The following PKIB variants were observed in gnomAD, a reference collection of about 807,000 sequenced individuals.
The protein encoded by PKIB is cAMP-dependent protein kinase inhibitor beta, also known as PKI-beta.
PKIB carries 2 observed loss-of-function variants against 4.5 expected under a neutral mutation model. That is an observed-to-expected ratio of 0.44 (90% CI 0.18 to 1.39). PKIB has a LOEUF of 1.39. PKIB is among the 40% of genes most tolerant of loss of function. The pLI is 0.27. For missense variants in PKIB, 94 were observed against 92.6 expected (o/e 1.02, Z -0.06); for synonymous variants, 38 against 36.0 (o/e 1.06, Z -0.20).
chr6:122,586,886 A>G (rs1295327923), intron 3 of PKIB, among the ~76,000 whole-genome samples: 2 of 152,130 alleles, frequency 1.3e-5, no homozygotes, highest in African/African-American at 4.8e-5. Context: ...ATATTAAGCA[A>G]CTGTTATAAC....
intron 2 of PKIB, chr6:122,481,962 T>TG (rs1322995955): frequency 6.5e-5 from 1 of 15,296 alleles, no homozygotes; most frequent in Admixed American, 9.1e-4. Flanking sequence ...CAAAGGTAAG[T>TG]TTTGTTTTTT....
At chr6:122,645,124 ACTTTT>A (rs1229906416) in intron 2 of PKIB, among the ~76,000 whole-genome samples, 2 of 152,140 alleles carry the variant, frequency 1.3e-5, no homozygotes, top group Non-Finnish European at 2.9e-5. Context: ...GCTGTTTATC[ACTTTT>A]CTTTAGTACA....
At chr6:122,586,656 C>A (rs1773856816) in intron 3 of PKIB, among the ~76,000 whole-genome samples, 1 of 152,114 alleles carries the variant, frequency 6.6e-6, no homozygotes, top group African/African-American at 2.4e-5. Context: ...CCTGTACTTC[C>A]CCTCTACTGA....
At chr6:122,578,192 A>G (rs1453992098) in intron 2 of PKIB, among the ~76,000 whole-genome samples, 1 of 152,124 alleles carries the variant, frequency 6.6e-6, no homozygotes, top group Non-Finnish European at 1.5e-5. Context: ...GAGGCTGGGA[A>G]CCATGGCTAA....
chr6:122,722,284 C>A (rs866521678), intron 4 of PKIB, among the ~76,000 whole-genome samples: 7 of 152,030 alleles, frequency 4.6e-5, no homozygotes, highest in Non-Finnish European at 8.8e-5. Context: ...TAAACACTTT[C>A]ACATTACAAA....
chr6:122,567,276 TCAA>T (rs1773222010), intron 2 of PKIB, among the ~76,000 whole-genome samples: 4 of 152,332 alleles, frequency 2.6e-5, no homozygotes, highest in Non-Finnish European at 5.9e-5. Context: ...GGAGCAGTCC[TCAA>T]ATAGTGGCTG....
chr6:122,683,921 T>C (rs1318584509), intron 3 of PKIB, among the ~76,000 whole-genome samples: 1 of 152,246 alleles, frequency 6.6e-6, no homozygotes, highest in Non-Finnish European at 1.5e-5. Context: ...CACTCCCATG[T>C]TCATTACAGC....
At chr6:122,562,788 G>T (rs1773072384) in intron 2 of PKIB, among the ~76,000 whole-genome samples, 1 of 151,962 alleles carries the variant, frequency 6.6e-6, no homozygotes, top group African/African-American at 2.4e-5. Context: ...CTAAAAGTGT[G>T]TCCAAAGTTT....
chr6:122,543,405 C>CCTGGAGTGCACTCTTGTAGA (rs1212246635), intron 2 of PKIB, among the ~76,000 whole-genome samples: 3 of 141,542 alleles, frequency 2.1e-5, no homozygotes, highest in Non-Finnish European at 4.5e-5. Flanking sequence ...ACTCTTGTTG[C>CCTGGAGTGCACTCTTGTAGA]CTGGAGTGCA....
chr6:122,714,220 G>A lies in PKIB; in HGVS notation c.-8-3567G>A, dbSNP rs117700302. Reference sequence around the variant, plus strand: ...TTCCTACATCGCTGTGAGGCTGGGCGGGGTTAGCTATTCGGTCTGCCTCTG... The same window carrying A: ...TTCCTACATCGCTGTGAGGCTGGGCAGGGTTAGCTATTCGGTCTGCCTCTG... On this transcript the variant is annotated intron_variant, in intron 3 of 4. Transcript: ENST00000368452. Among the ~76,000 whole-genome samples the A allele has an allele frequency of 1.2e-3, 186 of 152,250 alleles. 4 individuals are homozygous for A. In the East Asian group the frequency reaches 0.019, roughly 15 times the overall value.
At chr6:122,635,913 C>T in intron 2 of PKIB, among the ~76,000 whole-genome samples, 1 of 152,114 alleles carries the variant, frequency 6.6e-6, no homozygotes, top group East Asian at 1.9e-4. Context: ...TAGTGGCTTA[C>T]TACATGACCA....
intron 4 of PKIB, among the ~76,000 whole-genome samples, chr6:122,724,103 T>G (rs1779848206): frequency 6.6e-6 from 1 of 152,226 alleles, no homozygotes; most frequent in Non-Finnish European, 1.5e-5. Flanking sequence ...TAGTTTCACT[T>G]AAAAACGGAG....
rs1027812849 is a variant in PKIB, at chr6:122,558,718, AT to A, written c.-247-27196del. ...AAAAAGCCACAGTCACCTCCTCTCT[AT>A]TTTTTTAAATTTTATTTTTTAATCA... is the stretch of plus-strand genomic sequence containing the variant. On this transcript the variant is annotated intron_variant, in intron 2 of 6. Coordinates refer to the PKIB transcript ENST00000392491. Among the ~76,000 whole-genome samples, 87 of 152,060 alleles carry A rather than the reference AT, an allele frequency of 5.7e-4. 1 individual carries two copies. The highest frequency in any genetic ancestry group is 3.4e-3 in the Middle Eastern group (1 of 294).
chr6:122,681,815 C>G (rs987641893), intron 3 of PKIB, among the ~76,000 whole-genome samples: 10 of 152,322 alleles, frequency 6.6e-5, no homozygotes, highest in Admixed American at 2.6e-4. Flanking sequence ...ATTGTTCCCT[C>G]AAGAATGATT....
At chr6:122,559,555 T>C (rs1372420703) in intron 2 of PKIB, among the ~76,000 whole-genome samples, 4 of 148,804 alleles carry the variant, frequency 2.7e-5, no homozygotes. Context: ...AATTTTAGAA[T>C]TGTTTTTTTT....
intron 3 of PKIB, among the ~76,000 whole-genome samples, chr6:122,679,547 A>G (rs997448241): frequency 2.2e-4 from 34 of 152,228 alleles, no homozygotes; most frequent in African/African-American, 7.9e-4. Context: ...GTGAAAGAGG[A>G]TGAGAAAAGC....
chr6:122,547,742 A>AG (rs144758127), intron 2 of PKIB, among the ~76,000 whole-genome samples: 1 of 152,086 alleles, frequency 6.6e-6, no homozygotes, highest in Non-Finnish European at 1.5e-5. Context: ...CTACAGGGTC[A>AG]CTGGACACGA....
At chr6:122,589,837 C>G (rs978174118) in intron 3 of PKIB, among the ~76,000 whole-genome samples, 1 of 152,152 alleles carries the variant, frequency 6.6e-6, no homozygotes, top group African/African-American at 2.4e-5. Flanking sequence ...TTTTTACCAA[C>G]AGAGCCAATT....
intron 2 of PKIB, among the ~76,000 whole-genome samples, chr6:122,529,139 C>T (rs1328988064): frequency 6.6e-6 from 1 of 152,070 alleles, no homozygotes; most frequent in African/African-American, 2.4e-5. Context: ...CTCTGTTTCT[C>T]CTTTCTCTCT....
Sources: gnomAD v4.1 joint callset for allele counts (sites outside exome capture counted in the v4.1 genomes callset) on GRCh38, gnomAD v4.1.1 for gene constraint, MANE v1.5 for transcripts, NCBI Gene and HGNC (gene_info 2026-07-23, HGNC 2026-07-21) for gene names.